TENM4: variants seen among roughly 807,000 people sequenced by gnomAD.
TENM4 encodes teneurin-4.
TENM4 carries 82 observed loss-of-function variants against 243.3 expected under a neutral mutation model. The ratio of observed to expected loss-of-function variants is 0.34; its 90% confidence interval spans 0.28 to 0.40. The LOEUF (loss-of-function observed/expected upper bound fraction) is 0.40. TENM4 is among the 10% of genes least tolerant of loss of function. The pLI is 1.00. For missense variants in TENM4, 3,138 were observed against 3,673.3 expected, an observed-to-expected ratio of 0.85 and a Z score of 3.77; for synonymous variants, 1,412 against 1,456.3, an observed-to-expected ratio of 0.97 and a Z score of 0.69.
intron 1 of TENM4, among the ~76,000 whole-genome samples, chr11:79,396,235 C>G (rs1858341614): frequency 6.6e-6 from 1 of 152,194 alleles, no homozygotes; most frequent in Non-Finnish European, 1.5e-5. Context: ...TTAATATTCT[C>G]CCCCACTGTA....
chr11:78,933,428 T>A (rs678096), intron 6 of TENM4, among the ~76,000 whole-genome samples: 108,405 of 152,042 alleles, frequency 0.71, 38,869 homozygotes, highest in East Asian at 0.78. Context: ...ACTTCATAGA[T>A]CCTCAATTAA....
intron 6 of TENM4, among the ~76,000 whole-genome samples, chr11:78,940,722 CT>C (rs1856873286): frequency 6.6e-6 from 1 of 152,168 alleles, no homozygotes; most frequent in Non-Finnish European, 1.5e-5. Context: ...GCCCCACTGG[CT>C]TGGATATGCT....
chr11:78,885,656 A>G (rs1467999893), intron 9 of TENM4, among the ~76,000 whole-genome samples: 1 of 152,236 alleles, frequency 6.6e-6, no homozygotes, highest in Non-Finnish European at 1.5e-5. Flanking sequence ...GTGGTGCCGC[A>G]TACCTGTAAT....
At chr11:78,725,636 T>C (rs1855493435) in intron 23 of TENM4, among the ~76,000 whole-genome samples, 1 of 152,252 alleles carries the variant, frequency 6.6e-6, no homozygotes, top group East Asian at 1.9e-4. Flanking sequence ...TGGCACATAC[T>C]GTACCTTCTG....
At chr11:78,931,446 G>C (rs955351029) in intron 6 of TENM4, among the ~76,000 whole-genome samples, 1 of 152,202 alleles carries the variant, frequency 6.6e-6, no homozygotes, top group Non-Finnish European at 1.5e-5. Context: ...GAATGCAAAA[G>C]AGGTGCAGTA....
chr11:79,434,556 T>C (rs1859232621), intron 1 of TENM4, among the ~76,000 whole-genome samples: 1 of 152,112 alleles, frequency 6.6e-6, no homozygotes, highest in South Asian at 2.1e-4. Flanking sequence ...CTCCAGAAAG[T>C]GATGATTCCA....
At chr11:78,765,233 A>G (rs1016513156) in intron 18 of TENM4, among the ~76,000 whole-genome samples, 2 of 152,216 alleles carry the variant, frequency 1.3e-5, no homozygotes, top group Non-Finnish European at 2.9e-5. Flanking sequence ...GTCATTTGCT[A>G]TAATAAATTC....
At chr11:78,882,076 C>A (rs548679343) in intron 9 of TENM4, among the ~76,000 whole-genome samples, 9 of 152,314 alleles carry the variant, frequency 5.9e-5, no homozygotes, top group Non-Finnish European at 7.3e-5. Flanking sequence ...AAAGTTAAAT[C>A]TATGGCTCCT....
intron 3 of TENM4, among the ~76,000 whole-genome samples, chr11:79,169,925 A>G (rs1310969569): frequency 6.6e-6 from 1 of 152,236 alleles, no homozygotes; most frequent in African/African-American, 2.4e-5. Flanking sequence ...ACCCTGACAG[A>G]TTAATTTGGA....
In TENM4 at chr11:78,762,777, T is replaced by G. The variant is rs547568617; in HGVS notation, c.2540-5756A>C. ...TCTTTTTATTTTCAAATGTAGCATA[T>G]GGTGGCCTGAAACAGTGCATATGGC... On this transcript the variant is annotated intron_variant, in intron 18 of 33. Transcript: ENST00000278550. Among the ~76,000 whole-genome samples the G allele has an allele frequency of 6.4e-4, 98 of 152,066 alleles. 2 individuals are homozygous for G. In the South Asian group the frequency reaches 0.02, roughly 31 times the overall value.
At chr11:78,831,595 G>C (rs138335436) in intron 12 of TENM4, among the ~76,000 whole-genome samples, 72 of 152,342 alleles carry the variant, frequency 4.7e-4, no homozygotes, top group African/African-American at 1.6e-3. Context: ...TAGAAAGAAA[G>C]AACATTACCT....
rs563778053 is a variant in TENM4, at chr11:78,874,440, C to T, written c.1085-11308G>A. Among the ~76,000 whole-genome samples the T allele has an allele frequency of 2.0e-5, 3 of 152,218 alleles. No individual in the cohort carries two copies. The South Asian group carries it at 6.2e-4, about 32-fold the overall frequency. ...AATGTAATACAGTCTGTGTTTAATA[C>T]ACAGACTGTTACAAAGATTTATATG... is the stretch of plus-strand genomic sequence containing the variant. On this transcript the variant is annotated intron_variant, in intron 9 of 33. Coordinates refer to ENST00000278550, the MANE Select transcript of TENM4 (RefSeq NM_001098816.3).
At chr11:79,095,555 C>T (rs1861058177) in intron 4 of TENM4, among the ~76,000 whole-genome samples, 1 of 152,188 alleles carries the variant, frequency 6.6e-6, no homozygotes, top group African/African-American at 2.4e-5. Context: ...CCAAGGCTGA[C>T]ATCCAGGCCG....
chr11:78,757,365 G>A (rs1019042491), intron 18 of TENM4, among the ~76,000 whole-genome samples: 3 of 152,254 alleles, frequency 2.0e-5, no homozygotes, highest in Admixed American at 1.3e-4. Context: ...GCCAGAAGGT[G>A]AGTGGAAGAG....
intron 4 of TENM4, among the ~76,000 whole-genome samples, chr11:79,133,437 G>C (rs1862049329): frequency 6.6e-6 from 1 of 152,086 alleles, no homozygotes; most frequent in African/African-American, 2.4e-5. Flanking sequence ...AGAAGAATAG[G>C]TACCAATCCT....
intron 2 of TENM4, among the ~76,000 whole-genome samples, chr11:79,258,210 A>G (rs1421240255): frequency 6.6e-6 from 1 of 152,234 alleles, no homozygotes; most frequent in Admixed American, 6.5e-5. Context: ...ACCTTGGACA[A>G]GATGCATAAC....
chr11:78,677,774 CTT>C (rs1273682441), intron 29 of TENM4, among the ~76,000 whole-genome samples: 1 of 145,406 alleles, frequency 6.9e-6, no homozygotes. Context: ...AACTTAGATT[CTT>C]TTTTTTTTTA....
intron 20 of TENM4, among the ~76,000 whole-genome samples, chr11:78,737,533 T>C (rs1010538388): frequency 6.6e-5 from 10 of 152,186 alleles, no homozygotes; most frequent in African/African-American, 2.4e-4. Flanking sequence ...AGCTGGAGCA[T>C]AATTTCCAAC....
intron 2 of TENM4, among the ~76,000 whole-genome samples, chr11:79,231,384 A>T (rs915596284): frequency 2.0e-5 from 3 of 147,904 alleles, no homozygotes; most frequent in Non-Finnish European, 3.0e-5. Context: ...TAAATTAGTA[A>T]TTTTTTTTTT....
Sources: gnomAD v4.1 joint callset for allele counts (sites outside exome capture counted in the v4.1 genomes callset) on GRCh38, gnomAD v4.1.1 for gene constraint, MANE v1.5 for transcripts, NCBI Gene and HGNC (gene_info 2026-07-23, HGNC 2026-07-21) for gene names.